TRABD2B: variants seen among roughly 807,000 people sequenced by gnomAD.
The protein encoded by TRABD2B is TraB domain containing 2B, also known as metalloprotease TIKI2.
Under a neutral mutation model 40.1 loss-of-function variants are expected in TRABD2B, and 14 were observed. The ratio of observed to expected loss-of-function variants is 0.35; its 90% CI spans 0.23 to 0.55. The LOEUF (loss-of-function observed/expected upper bound fraction) is 0.55, where lower values mean the gene tolerates loss of function less well. TRABD2B is among the 20% of genes least tolerant of loss of function. The pLI is 0.90. For missense variants in TRABD2B, 541 were observed against 648.6 expected (o/e 0.83, Z 1.80); for synonymous variants, 263 against 277.0 (o/e 0.95, Z 0.50).
rs558893694 is a variant in TRABD2B, at chr1:47,954,720, C to T, written c.666+39314G>A. ...ATTTCAGCAGAGGGGCCAGGCTGGA[C>T]GAAGTTGCAGAAGCTCTCAGCGGCT... On this transcript the variant is annotated intron_variant, in intron 2 of 6. Transcript: ENST00000606738. Among the ~76,000 whole-genome samples, 33 of 152,220 alleles carry T rather than the reference C, an allele frequency of 2.2e-4. 1 individual carries two copies. The highest frequency in any genetic ancestry group is 3.2e-4 in the Non-Finnish European group (22 of 68,004).
At chr1:47,798,720 C>T (rs1187178513) in intron 3 of TRABD2B, among the ~76,000 whole-genome samples, 1 of 152,190 alleles carries the variant, frequency 6.6e-6, no homozygotes, top group East Asian at 1.9e-4. Flanking sequence ...TCTAGGGGAC[C>T]CTACTGCCAA....
At chr1:47,929,171 T>G (rs1016905984) in intron 2 of TRABD2B, among the ~76,000 whole-genome samples, 2 of 152,220 alleles carry the variant, frequency 1.3e-5, no homozygotes, top group East Asian at 3.9e-4. Context: ...GGGACTAGGA[T>G]GAGGCAAGCA....
At chr1:47,945,312 G>A (rs867593065) in intron 2 of TRABD2B, among the ~76,000 whole-genome samples, 1 of 152,146 alleles carries the variant, frequency 6.6e-6, no homozygotes. Flanking sequence ...CTAGTCTAAG[G>A]GAAAGAGGCT....
chr1:47,770,414 TG>T (rs1170971193), intron 6 of TRABD2B, among the ~76,000 whole-genome samples: 2 of 152,264 alleles, frequency 1.3e-5, no homozygotes, highest in Admixed American at 6.5e-5. Context: ...CATGGTCTTC[TG>T]TGCTGGGAAT....
intron 2 of TRABD2B, among the ~76,000 whole-genome samples, chr1:47,869,584 G>A (rs540891813): frequency 2.6e-5 from 4 of 152,314 alleles, no homozygotes; most frequent in African/African-American, 9.6e-5. Flanking sequence ...GGACTGGTTC[G>A]CCAAGTCTTG....
intron 2 of TRABD2B, among the ~76,000 whole-genome samples, chr1:47,892,800 G>A (rs1056767701): frequency 6.6e-6 from 1 of 152,190 alleles, no homozygotes; most frequent in Non-Finnish European, 1.5e-5. Flanking sequence ...GGAGGAAATG[G>A]AAGCCATCAT....
chr1:47,940,665 G>A (rs1210497178), intron 2 of TRABD2B, among the ~76,000 whole-genome samples: 1 of 152,194 alleles, frequency 6.6e-6, no homozygotes, highest in Non-Finnish European at 1.5e-5. Flanking sequence ...ACAGTGCTCT[G>A]TCCCCATCTG....
chr1:47,765,897 C>T lies in TRABD2B; in HGVS notation c.*5G>A, dbSNP rs1435302590. ...CTCTGGCTTCTCCACTTGGGGTGGC[C>T]GAGGTCAGGAGGGCCCAAGGCTATG... On this transcript the variant is annotated 3_prime_UTR_variant, in exon 7 of 7. Transcript: ENST00000606738. 1 of 702,826 alleles carries T rather than the reference C, an allele frequency of 1.4e-6. No individual in the cohort carries two copies. Among genetic ancestry groups the T allele is most frequent in the Non-Finnish European group, 2.6e-6 (1 of 384,936 alleles). The allele number at this position is 702,826 out of a possible 1,614,324, so 43.5% of individuals were successfully genotyped here.
chr1:47,996,560 G>T lies in TRABD2B; in HGVS notation c.102+128C>A. 1 of 1,089,420 alleles carries T rather than the reference G, an allele frequency of 9.2e-7. No homozygotes were observed. Among genetic ancestry groups the T allele is most frequent in the Non-Finnish European group, 1.1e-6 (1 of 873,094 alleles). The allele number at this position is 1,089,420 out of a possible 1,614,324, so 67.5% of individuals were successfully genotyped here. On this transcript the variant is annotated intron_variant, in intron 1 of 6. Coordinates refer to ENST00000606738, the MANE Select transcript of TRABD2B (RefSeq NM_001194986.2). This position sits in a 1 kb window ranked among gnomAD's most constrained non-coding sequence, Gnocchi z 4.6. ...CAGGAGCGAAGGAAGGGCGCCCGAGGCTGCGCCCGGGGGGTGGAGGTGGAG... is the reference window on the plus strand; with the variant it reads ...CAGGAGCGAAGGAAGGGCGCCCGAGTCTGCGCCCGGGGGGTGGAGGTGGAG...
At chr1:47,937,514 C>T (rs1389926143) in intron 2 of TRABD2B, among the ~76,000 whole-genome samples, 1 of 152,112 alleles carries the variant, frequency 6.6e-6, no homozygotes, top group Non-Finnish European at 1.5e-5. Flanking sequence ...TCATCACCAC[C>T]ATCATCATCA....
chr1:47,926,139 T>G (rs1039429543), intron 2 of TRABD2B, among the ~76,000 whole-genome samples: 1 of 152,210 alleles, frequency 6.6e-6, no homozygotes, highest in African/African-American at 2.4e-5. Flanking sequence ...ATAATTCGTT[T>G]TTGATATTTT....
chr1:47,977,310 G>C (rs1419396547), intron 2 of TRABD2B, among the ~76,000 whole-genome samples: 1 of 152,130 alleles, frequency 6.6e-6, no homozygotes, highest in Non-Finnish European at 1.5e-5. Flanking sequence ...CTAGCCTCAA[G>C]TGATCCCCAC....
intron 4 of TRABD2B, among the ~76,000 whole-genome samples, chr1:47,784,135 G>GA (rs1291691804): frequency 6.6e-6 from 1 of 152,128 alleles, no homozygotes; most frequent in East Asian, 1.9e-4. Context: ...TCCAGATGAG[G>GA]AAACAGGCTC....
chr1:47,982,351 A>G (rs967655685), intron 2 of TRABD2B, among the ~76,000 whole-genome samples: 4 of 152,148 alleles, frequency 2.6e-5, no homozygotes, highest in Non-Finnish European at 4.4e-5. Context: ...TGTGCCAGCC[A>G]CTCAGCTGTG....
At position 47,775,383 on chromosome 1, in the gene TRABD2B, G is replaced by A. The variant is rs536811618; in HGVS notation, c.1136C>T (p.Pro379Leu). 2 of 1,237,372 alleles carry A rather than the reference G, an allele frequency of 1.6e-6. No individual in the cohort carries two copies. Among genetic ancestry groups the A allele is most frequent in the Admixed American group, 8.4e-5 (2 of 23,914 alleles). 76.6% of individuals were successfully genotyped at this position (1,237,372 alleles called of 1,614,324 possible). ...SPEGTSTSPA[P>L]VTPAAAVPEA... is the part of the protein sequence containing the mutation. ...GGGGACAGCGGCAGCTGGGGTCACTGGGGCCGGGCTCGTCGAGGTCCCCTC... is the reference window on the plus strand; with the variant it reads ...GGGGACAGCGGCAGCTGGGGTCACTAGGGCCGGGCTCGTCGAGGTCCCCTC... Residue 379 changes from proline to leucine, a missense_variant, in exon 6 of 7, where the codon CCA becomes CTA. Coordinates refer to ENST00000606738, the MANE Select transcript of TRABD2B (RefSeq NM_001194986.2).
Position 47,994,430 on chromosome 1 carries a change from G to C in TRABD2B, c.270C>G (p.Asp90Glu), listed in dbSNP as rs757053010. Residue 90 changes from aspartate to glutamate, a missense_variant, in exon 2 of 7, where the codon GAC becomes GAG. Physicochemically the swap from Asp to Glu is conservative, Grantham distance 45 (BLOSUM62 2). Coordinates refer to ENST00000606738, the MANE Select transcript of TRABD2B (RefSeq NM_001194986.2). This position sits in a 1 kb window ranked among gnomAD's most constrained non-coding sequence, Gnocchi z 6.7. ...TGGCCAGGGCCGAGATGGTGTAGGG[G>C]TCTGTAAGGTCCAGCTCAAAGTAGA... ...TRVYFELDLT[D>E]PYTISALASC... 1.3e-6 allele frequency: 2 copies of C among 1,536,052 alleles called. No individual in the cohort carries two copies. Among genetic ancestry groups the C allele is most frequent in the Non-Finnish European group, 1.7e-6 (2 of 1,146,928 alleles).
At chr1:47,901,164 C>T (rs1644594806) in intron 2 of TRABD2B, among the ~76,000 whole-genome samples, 1 of 152,214 alleles carries the variant, frequency 6.6e-6, no homozygotes, top group South Asian at 2.1e-4. Context: ...TCAGCCCCTG[C>T]CGCCCTGCAA....
At chr1:47,779,541 A>G (rs1398267898) in intron 4 of TRABD2B, among the ~76,000 whole-genome samples, 4 of 152,192 alleles carry the variant, frequency 2.6e-5, no homozygotes, top group Non-Finnish European at 2.9e-5. Flanking sequence ...ATGTCTGAGT[A>G]CTCAGGGGAG....
intron 2 of TRABD2B, among the ~76,000 whole-genome samples, chr1:47,840,531 T>C (rs1645382201): frequency 6.6e-6 from 1 of 152,242 alleles, no homozygotes; most frequent in African/African-American, 2.4e-5. Flanking sequence ...GCACTCATGT[T>C]GGCAACAGAG....
Sources: gnomAD v4.1 joint callset for allele counts (sites outside exome capture counted in the v4.1 genomes callset) on GRCh38, gnomAD v4.1.1 for gene constraint, Gnocchi (gnomAD v3.1) non-coding constraint, MANE v1.5 for transcripts, NCBI Gene and HGNC (gene_info 2026-07-23, HGNC 2026-07-21) for gene names.